TNRC18: variants seen among roughly 807,000 people sequenced by gnomAD.
TNRC18 encodes the protein trinucleotide repeat containing 18.
Under a neutral mutation model 226.7 loss-of-function variants are expected in TNRC18, and 69 were observed. That is an observed-to-expected ratio of 0.30 (90% CI 0.25 to 0.37). The LOEUF (loss-of-function observed/expected upper bound fraction) is 0.37. Among genes scored for constraint, TNRC18 ranks in the 10% least tolerant of loss-of-function variants. TNRC18 has a pLI of 1.00. For synonymous variants in TNRC18, 2,449 were observed against 1,927.6 expected (o/e 1.27, Z -7.09); for missense variants, 4,754 against 4,256.6 (o/e 1.12, Z -3.25).
At chr7:5,354,317 C>G (rs1266683748) in intron 16 of TNRC18, among the ~76,000 whole-genome samples, 1 of 152,074 alleles carries the variant, frequency 6.6e-6, no homozygotes, top group Admixed American at 6.5e-5. Context: ...AGAGACAGAG[C>G]ACATCTCTGA....
chr7:5,357,440 C>T (rs1792560292), intron 15 of TNRC18, among the ~76,000 whole-genome samples, 164 bp from the exon 16 acceptor site: 1 of 151,934 alleles, frequency 6.6e-6, no homozygotes, highest in African/African-American at 2.4e-5. Context: ...GAGACGGAGT[C>T]TCGCTCTGTC....
chr7:5,334,542 C>T (rs1789893367), intron 18 of TNRC18, among the ~76,000 whole-genome samples: 2 of 151,946 alleles, frequency 1.3e-5, no homozygotes, highest in Admixed American at 1.3e-4. Flanking sequence ...TGTGATCTGC[C>T]TGCCTCGGCC....
intron 2 of TNRC18, among the ~76,000 whole-genome samples, chr7:5,395,344 G>A (rs967001467): frequency 3.3e-5 from 5 of 152,284 alleles, no homozygotes; most frequent in East Asian, 3.9e-4. Context: ...GCCCCACCCC[G>A]GGGTCACTGC....
At chr7:5,382,014 T>G (rs1779430348) in intron 5 of TNRC18, among the ~76,000 whole-genome samples, 1 of 151,784 alleles carries the variant, frequency 6.6e-6, no homozygotes, top group African/African-American at 2.4e-5. Flanking sequence ...TAAAATAAAG[T>G]GGATAAATAA....
At chr7:5,338,601 G>C (rs955343621) in intron 18 of TNRC18, among the ~76,000 whole-genome samples, 6 of 145,612 alleles carry the variant, frequency 4.1e-5, no homozygotes, top group Non-Finnish European at 7.5e-5. Flanking sequence ...ACTCCAGCCT[G>C]GGCAACGCTG....
intron 8 of TNRC18, 87 bp from the exon 9 acceptor site, chr7:5,376,311 GGCCACACCCACACAGTGGGGA>G: frequency 4.2e-6 from 5 of 1,186,766 alleles, no homozygotes; most frequent in African/African-American, 3.1e-5. Flanking sequence ...GCCAGAGAGG[GGCCACACCCACACAGTGGGGA>G]GCTGGGCTCT....
At chr7:5,416,221 C>T (rs1400100911) in intron 2 of TNRC18, among the ~76,000 whole-genome samples, 3 of 151,562 alleles carry the variant, frequency 2.0e-5, no homozygotes, top group Non-Finnish European at 4.4e-5. Context: ...GAGATCATCC[C>T]GGCTAACACG....
chr7:5,389,147 C>G lies in TNRC18; in HGVS notation c.677G>C (p.Arg226Pro), dbSNP rs1395755813. The stretch of plus-strand genomic sequence containing the variant: ...CCCCGAGGCCTCCTCGCCCCGGGCG[C>G]GCGGGTCCTTCTTGCCGAAAAGCGG... Reference protein sequence around the residue: ...PPPLFGKKDPRARGEEASGPR... With the variant: ...PPPLFGKKDPPARGEEASGPR... Residue 226 changes from arginine (R) to proline (P), a missense_variant, in exon 5 of 30, where the codon CGC becomes CCC. Arg to Pro is a moderately radical substitution (Grantham distance 103, BLOSUM62 -2). Coordinates refer to ENST00000430969, the MANE Select transcript of TNRC18 (RefSeq NM_001080495.3). The G allele has an allele frequency of 7.6e-7, 1 of 1,321,840 alleles. No homozygotes were observed. The highest frequency in any genetic ancestry group is 1.6e-5 in the African/African-American group (1 of 63,378). 81.9% of individuals were successfully genotyped at this position (1,321,840 alleles called of 1,614,324 possible). A position where few individuals can be genotyped will look rare whatever the true frequency, so the allele number is the denominator to read the frequency against.
Position 5,308,947 on chromosome 7 carries a change from G to C in TNRC18, c.8628C>G (p.His2876Gln), listed in dbSNP as rs761349838. The C allele has an allele frequency of 1.9e-6, 3 of 1,595,542 alleles. No homozygotes were observed. The highest frequency in any genetic ancestry group is 1.1e-5 in the South Asian group (1 of 88,818). Residue 2876 changes from histidine (H) to glutamine (Q), a missense_variant and splice_region_variant, in exon 29 of 30, where the codon CAC becomes CAG. Transcript: ENST00000430969. ...SPGKQFHQGQHWDQKSSRSLP... is the reference protein window; with the variant it reads ...SPGKQFHQGQQWDQKSSRSLP... ...GGCTGCGGCTGGACTTCTGGTCCCAGTGCTGTGTGGGGGAGAGAGGAGGGG... is the reference window on the plus strand; with the variant it reads ...GGCTGCGGCTGGACTTCTGGTCCCACTGCTGTGTGGGGGAGAGAGGAGGGG...
chr7:5,344,724 G>C (rs769631075), intron 18 of TNRC18, among the ~76,000 whole-genome samples: 18 of 152,176 alleles, frequency 1.2e-4, no homozygotes, highest in Non-Finnish European at 2.2e-4. Flanking sequence ...GCTGGGGCCA[G>C]GGGAACTCAG....
chr7:5,341,077 C>T (rs1790635715), intron 18 of TNRC18, among the ~76,000 whole-genome samples: 1 of 151,956 alleles, frequency 6.6e-6, no homozygotes, highest in African/African-American at 2.4e-5. Context: ...ACCCCAGGGT[C>T]CTTAAGAATG....
chr7:5,413,465 T>A (rs1401052614), intron 2 of TNRC18, among the ~76,000 whole-genome samples: 2 of 152,064 alleles, frequency 1.3e-5, no homozygotes, highest in Non-Finnish European at 2.9e-5. Context: ...AACCAACACC[T>A]CCTAATTACC....
Position 5,313,057 on chromosome 7 carries a change from G to A in TNRC18, c.7834C>T (p.Pro2612Ser), listed in dbSNP as rs1209092082. The A allele has an allele frequency of 1.2e-5, 13 of 1,055,692 alleles. No individual in the cohort carries two copies. The highest frequency in any genetic ancestry group is 1.7e-5 in the Non-Finnish European group (12 of 707,822). The allele number at this position is 1,055,692 out of a possible 1,614,324, so 65.4% of individuals were successfully genotyped here. A position where few individuals can be genotyped will look rare whatever the true frequency, so the allele number is the denominator to read the frequency against. Residue 2612 changes from proline to serine, a missense_variant, in exon 27 of 30, where the codon CCG becomes TCG. Transcript: ENST00000430969. ...CSAASSRAASPASSSSSSSSS... is the reference protein window; with the variant it reads ...CSAASSRAASSASSSSSSSSS... ...GATGAGGAGGAGGAGGAGGAGGCCG[G>A]TGAGGCCGCCCTGGAGCTGGCAGCG... is the stretch of plus-strand genomic sequence containing the variant.
At chr7:5,397,696 G>A (rs1447107752) in intron 2 of TNRC18, among the ~76,000 whole-genome samples, 1 of 152,004 alleles carries the variant, frequency 6.6e-6, no homozygotes. Context: ...GAACTCCCAG[G>A]CCTCCTAGAA....
chr7:5,328,258 C>G (rs1035888106), intron 19 of TNRC18, among the ~76,000 whole-genome samples: 1 of 152,102 alleles, frequency 6.6e-6, no homozygotes, highest in Non-Finnish European at 1.5e-5. Context: ...TGTGGTGGCT[C>G]ACGCCTGTAA....
chr7:5,418,838 G>A (rs1395869197), intron 2 of TNRC18, among the ~76,000 whole-genome samples: 1 of 152,218 alleles, frequency 6.6e-6, no homozygotes, highest in East Asian at 1.9e-4. Context: ...GAGTGAATGG[G>A]AGCTGCTCCC....
At chr7:5,389,461 G>GTTTTTTTTTTTTTTTTTTGTTTTTTTT in intron 4 of TNRC18, 125 bp from the exon 5 acceptor site, 2 of 564,670 alleles carry the variant, frequency 3.5e-6, no homozygotes, top group South Asian at 1.0e-4. Context: ...TTTGGTTTTG[G>GTTTTTTTTTTTTTTTTTTGTTTTTTTT]TTTTTTTTTT....
At chr7:5,321,601 G>A (rs1477356574) in intron 21 of TNRC18, among the ~76,000 whole-genome samples, 2 of 152,140 alleles carry the variant, frequency 1.3e-5, no homozygotes, top group Middle Eastern at 3.4e-3. Context: ...CATGATGTCC[G>A]CCCCCTCTTA....
At chr7:5,345,517 G>GCACCCCCCCCCCCC in intron 18 of TNRC18, 45 bp downstream of exon 18, 3 of 377,744 alleles carry the variant, frequency 7.9e-6, no homozygotes, top group South Asian at 4.4e-5. Flanking sequence ...AATGGCGTCC[G>GCACCCCCCCCCCCC]CCCCTCCCAC....
Sources: allele counts gnomAD v4.1 joint callset (sites outside exome capture counted in the v4.1 genomes callset), GRCh38; gene constraint gnomAD v4.1.1; transcripts MANE v1.5; gene names NCBI Gene and HGNC (gene_info 2026-07-23, HGNC 2026-07-21).